The following INSC variants were observed in gnomAD, a reference collection of about 807,000 sequenced individuals.
INSC encodes the protein INSC spindle orientation adaptor protein.
INSC carries 67 observed loss-of-function variants against 58.6 expected under a neutral mutation model. The ratio of observed to expected loss-of-function variants is 1.14; its 90% CI spans 0.94 to 1.40. The LOEUF is 1.40. INSC is among the 40% of genes most tolerant of loss of function. The pLI is 0.00. For missense variants in INSC, 714 were observed against 692.0 expected (o/e 1.03, Z -0.36); for synonymous variants, 262 against 276.1 (o/e 0.95, Z 0.51).
At chr11:15,207,516 G>A (rs955533945) in intron 7 of INSC, among the ~76,000 whole-genome samples, 6 of 152,066 alleles carry the variant, frequency 3.9e-5, no homozygotes, top group Non-Finnish European at 7.4e-5. Context: ...CTCATTTCCT[G>A]GGGCAGCTTC....
rs79186348 is a variant in INSC at position 15,239,837 on chromosome 11, G to A, written c.1394-610G>A. 5.1e-3 allele frequency among the ~76,000 whole-genome samples: 774 copies of A among 152,278 alleles called. 8 individuals are homozygous for A. Among genetic ancestry groups the A allele is most frequent in the African/African-American group, 0.016 (684 of 41,554 alleles). ...GATGGGTAAGTTGCTCCTATGTGAA[G>A]GCTGAGAAAGGGCTCTTCGGGAAGA... On this transcript the variant is annotated intron_variant, in intron 11 of 12. Coordinates refer to ENST00000379556, the MANE Select transcript of INSC (RefSeq NM_001042536.3).
chr11:15,260,324 G>A, the INSC span, among the ~76,000 whole-genome samples: 210 of 152,252 alleles, frequency 1.4e-3, 1 homozygote, highest in African/African-American at 4.5e-3. Flanking sequence ...GTAGAATGCA[G>A]TTGAGAAGCA....
In INSC at chr11:15,116,742, T is replaced by TTTCC. The variant is rs200368520; in HGVS notation, c.-46+1756_-46+1759dup. ...TTCTTCCTTCCTTCTCTTTCTCTCT[T>TTTCC]TTCCTTCCTTCCTTCCTTCCATTCT... On this transcript the variant is annotated intron_variant, in intron 1 of 12. Coordinates refer to ENST00000379556, the MANE Select transcript of INSC (RefSeq NM_001042536.3). Among the ~76,000 whole-genome samples the TTTCC allele has an allele frequency of 8.0e-3, 1,205 of 151,012 alleles. 13 individuals are homozygous for TTTCC. The highest frequency in any genetic ancestry group is 0.026 in the African/African-American group (1,044 of 40,856).
At chr11:15,220,918 T>C (rs146746540) in intron 7 of INSC, among the ~76,000 whole-genome samples, 9 of 152,222 alleles carry the variant, frequency 5.9e-5, no homozygotes, top group Admixed American at 1.3e-4. Context: ...GAGGACAAGA[T>C]GGGGAAGGAA....
chr11:15,156,538 A>T (rs1456048331), intron 2 of INSC, among the ~76,000 whole-genome samples: 2 of 152,222 alleles, frequency 1.3e-5, no homozygotes, highest in East Asian at 3.8e-4. Flanking sequence ...GATTGTTTTG[A>T]GGGTTAATTA....
upstream of INSC, among the ~76,000 whole-genome samples, chr11:15,113,140 T>TCTTC (rs1374484133): frequency 8.8e-4 from 117 of 132,226 alleles, 1 homozygote; most frequent in Non-Finnish European, 1.4e-3. Context: ...TTTCTTTCTT[T>TCTTC]CTTTCTGTCT....
intron 2 of INSC, among the ~76,000 whole-genome samples, chr11:15,160,943 G>A (rs888712332): frequency 6.6e-6 from 1 of 152,160 alleles, no homozygotes; most frequent in Non-Finnish European, 1.5e-5. Context: ...GTAAGATGAG[G>A]GTAATAAATA....
At chr11:15,134,042 A>C (rs1848184555) in intron 1 of INSC, among the ~76,000 whole-genome samples, 1 of 152,130 alleles carries the variant, frequency 6.6e-6, no homozygotes, top group African/African-American at 2.4e-5. Flanking sequence ...ATCCTCATCC[A>C]GCATGTTAGC....
downstream of INSC, among the ~76,000 whole-genome samples, chr11:15,249,771 C>G (rs1453709224): frequency 3.9e-5 from 6 of 152,174 alleles, no homozygotes; most frequent in Admixed American, 3.9e-4. Flanking sequence ...CATGGTTTTT[C>G]CATAGTAACT....
intron 1 of INSC, among the ~76,000 whole-genome samples, chr11:15,146,468 C>G (rs1315110080): frequency 1.3e-5 from 2 of 152,188 alleles, no homozygotes; most frequent in Non-Finnish European, 2.9e-5. Context: ...TCCCCAGCCT[C>G]TGGGAACACA....
intron 7 of INSC, among the ~76,000 whole-genome samples, chr11:15,204,772 A>G (rs1850731571): frequency 1.3e-5 from 2 of 152,360 alleles, no homozygotes; most frequent in African/African-American, 4.8e-5. Flanking sequence ...CGCCTGATTT[A>G]CTGGCCTGGC....
downstream of INSC, among the ~76,000 whole-genome samples, chr11:15,248,852 G>C (rs1423164328): frequency 6.6e-6 from 1 of 152,206 alleles, no homozygotes; most frequent in Non-Finnish European, 1.5e-5. Flanking sequence ...ACTATTTGGA[G>C]ACTTGAATGC....
At chr11:15,262,120 G>A in the INSC span, among the ~76,000 whole-genome samples, 3 of 152,220 alleles carry the variant, frequency 2.0e-5, no homozygotes, top group East Asian at 5.8e-4. Flanking sequence ...ATAGGCAGGT[G>A]GCAGCTTGGC....
At chr11:15,240,415 T>C in intron 11 of INSC, 32 bp from the exon 12 acceptor site, 1 of 1,598,602 alleles carries the variant, frequency 6.3e-7, no homozygotes. Context: ...GGCCCTGTCC[T>C]GGGCCTGAGG....
rs546482164 is a variant in INSC, at chr11:15,238,672, A to G, written c.1238-247A>G. On this transcript the variant is annotated intron_variant, in intron 10 of 12. Coordinates refer to ENST00000379556, the MANE Select transcript of INSC (RefSeq NM_001042536.3). The stretch of plus-strand genomic sequence containing the variant: ...GTGCTGAGTGTGTAGTAAAAGCTCA[A>G]TAATAGCATTAAAAAATAAAGATGT... 2.0e-5 allele frequency among the ~76,000 whole-genome samples: 3 copies of G among 152,342 alleles called. No homozygotes were observed. The South Asian group carries it at 6.2e-4, about 32-fold the overall frequency.
intron 1 of INSC, among the ~76,000 whole-genome samples, chr11:15,136,917 A>G (rs1436836317): frequency 6.6e-6 from 1 of 152,190 alleles, no homozygotes; most frequent in Non-Finnish European, 1.5e-5. Context: ...ATTTCAATTT[A>G]TTATGCCCAA....
the INSC span, among the ~76,000 whole-genome samples, chr11:15,256,016 C>T: frequency 6.6e-6 from 1 of 152,176 alleles, no homozygotes; most frequent in African/African-American, 2.4e-5. Flanking sequence ...ACATATCCCA[C>T]CATCAACTCT....
intron 7 of INSC, among the ~76,000 whole-genome samples, chr11:15,206,540 C>T (rs1396380964): frequency 1.3e-5 from 2 of 152,120 alleles, no homozygotes; most frequent in Non-Finnish European, 2.9e-5. Flanking sequence ...AAAATGAGGG[C>T]CAAGGAGGGA....
chr11:15,192,026 G>T (rs1244391129), intron 6 of INSC, among the ~76,000 whole-genome samples: 1 of 152,202 alleles, frequency 6.6e-6, no homozygotes, highest in Non-Finnish European at 1.5e-5. Flanking sequence ...GCAAGGATTT[G>T]CTCAAGGAAT....
Sources: gnomAD v4.1 joint callset for allele counts (sites outside exome capture counted in the v4.1 genomes callset) on GRCh38, gnomAD v4.1.1 for gene constraint, MANE v1.5 for transcripts, NCBI Gene and HGNC (gene_info 2026-07-23, HGNC 2026-07-21) for gene names.